PLA2G4A: variants seen among roughly 807,000 people sequenced by gnomAD.
PLA2G4A encodes phospholipase A2 group IVA, also known as cytosolic phospholipase A2.
Under a neutral mutation model 81.9 loss-of-function variants are expected in PLA2G4A, and 40 were observed. That is an observed-to-expected ratio of 0.49 (90% confidence interval 0.38 to 0.64). The LOEUF is 0.64. Among genes scored for constraint, PLA2G4A ranks in the 30% least tolerant of loss-of-function variants. The pLI, the probability that PLA2G4A is intolerant of heterozygous loss-of-function variation, is 0.00. For synonymous variants in PLA2G4A, 302 were observed against 296.9 expected (o/e 1.02, Z -0.18); for missense variants, 715 against 905.1 (o/e 0.79, Z 2.69).
chr1:186,959,900 C>CA (rs1369163774), intron 14 of PLA2G4A, among the ~76,000 whole-genome samples: 7 of 140,874 alleles, frequency 5.0e-5, no homozygotes, highest in South Asian at 5.1e-4. Context: ...ACCCCCATGC[C>CA]AAAAAAAAGA....
At chr1:186,907,659 A>G (rs957307991) in intron 6 of PLA2G4A, among the ~76,000 whole-genome samples, 1 of 152,242 alleles carries the variant, frequency 6.6e-6, no homozygotes, top group Non-Finnish European at 1.5e-5. Context: ...GACCAAAGTT[A>G]TTAGTACATA....
At chr1:186,930,107 A>G (rs1655687852) in intron 7 of PLA2G4A, among the ~76,000 whole-genome samples, 1 of 152,140 alleles carries the variant, frequency 6.6e-6, no homozygotes, top group South Asian at 2.1e-4. Context: ...AAACAAAACA[A>G]ACAAACAAAC....
At chr1:186,912,321 C>G (rs2102157167) in intron 7 of PLA2G4A, among the ~76,000 whole-genome samples, 1 of 152,230 alleles carries the variant, frequency 6.6e-6, no homozygotes, top group Middle Eastern at 3.4e-3. Context: ...CATTATCATC[C>G]AAGTCCATAG....
At chr1:186,965,090 A>T (rs1657085859) in intron 14 of PLA2G4A, among the ~76,000 whole-genome samples, 1 of 152,260 alleles carries the variant, frequency 6.6e-6, no homozygotes, top group Non-Finnish European at 1.5e-5. Flanking sequence ...GTAATGTAAG[A>T]TAATACTATT....
intron 13 of PLA2G4A, among the ~76,000 whole-genome samples, chr1:186,955,747 T>TTTTC (rs1656724387): frequency 1.4e-5 from 2 of 147,696 alleles, no homozygotes; most frequent in East Asian, 3.9e-4. Context: ...TTTTTTTTTT[T>TTTTC]TTTTTAAGAC....
chr1:186,959,500 T>G (rs929021323), intron 14 of PLA2G4A, among the ~76,000 whole-genome samples: 1 of 152,220 alleles, frequency 6.6e-6, no homozygotes, highest in Non-Finnish European at 1.5e-5. Context: ...ACTTTATTCA[T>G]TTTTATGTAT....
At chr1:186,981,880 A>G (rs767497953) in intron 17 of PLA2G4A, among the ~76,000 whole-genome samples, 1 of 47,354 alleles carries the variant, frequency 2.1e-5, no homozygotes, top group Non-Finnish European at 3.8e-5. Flanking sequence ...ACCAAATAGA[A>G]AGACAGCAAG....
chr1:186,865,920 G>T (rs1250031997), intron 2 of PLA2G4A, among the ~76,000 whole-genome samples: 3 of 152,120 alleles, frequency 2.0e-5, no homozygotes, highest in Admixed American at 1.3e-4. Flanking sequence ...CTATAGAAAT[G>T]ATTTTAAATG....
intron 7 of PLA2G4A, among the ~76,000 whole-genome samples, chr1:186,925,423 A>C (rs928276194): frequency 1.3e-5 from 2 of 152,284 alleles, no homozygotes; most frequent in Admixed American, 1.3e-4. Context: ...CACTGCTCTT[A>C]GACTCTTCTC....
At chr1:186,923,923 A>G (rs895088685) in intron 7 of PLA2G4A, among the ~76,000 whole-genome samples, 1 of 152,244 alleles carries the variant, frequency 6.6e-6, no homozygotes, top group Non-Finnish European at 1.5e-5. Flanking sequence ...ATAGAGAAAT[A>G]AAAAGTTAGG....
intron 6 of PLA2G4A, among the ~76,000 whole-genome samples, chr1:186,909,660 CAAAAA>C (rs377504921): frequency 8.9e-6 from 1 of 112,990 alleles, no homozygotes. Flanking sequence ...AACTCCGTCT[CAAAAA>C]AAAAAAAAAA....
chr1:186,923,588 A>T (rs1655440344), intron 7 of PLA2G4A, among the ~76,000 whole-genome samples: 1 of 152,244 alleles, frequency 6.6e-6, no homozygotes, highest in African/African-American at 2.4e-5. Context: ...ATGATGTGTT[A>T]AGTTCTTAAT....
At chr1:186,846,486 G>A (rs1392098443) in intron 1 of PLA2G4A, among the ~76,000 whole-genome samples, 1 of 152,004 alleles carries the variant, frequency 6.6e-6, no homozygotes, top group South Asian at 2.1e-4. Context: ...AAATATTACA[G>A]GGCTCTCATG....
At chr1:186,883,214 T>C (rs1653802176) in intron 3 of PLA2G4A, among the ~76,000 whole-genome samples, 2 of 152,040 alleles carry the variant, frequency 1.3e-5, no homozygotes, top group Admixed American at 1.3e-4. Flanking sequence ...AAAGGAGTGT[T>C]AAAGAAAATC....
intron 5 of PLA2G4A, among the ~76,000 whole-genome samples, chr1:186,900,338 A>G (rs1654492532): frequency 6.6e-6 from 1 of 152,240 alleles, no homozygotes; most frequent in Non-Finnish European, 1.5e-5. Flanking sequence ...CGTAAAACAT[A>G]TTAAGATACT....
chr1:186,981,259 T>C (rs1340151306), intron 17 of PLA2G4A, among the ~76,000 whole-genome samples: 3 of 152,204 alleles, frequency 2.0e-5, no homozygotes, highest in South Asian at 2.1e-4. Flanking sequence ...ACAAATACCA[T>C]GTTGGACTTG....
intron 14 of PLA2G4A, among the ~76,000 whole-genome samples, chr1:186,964,022 T>C (rs541976655): frequency 5.9e-5 from 9 of 152,352 alleles, no homozygotes; most frequent in African/African-American, 2.2e-4. Context: ...GTATTATTCT[T>C]ACTTAGAAAT....
intron 3 of PLA2G4A, among the ~76,000 whole-genome samples, chr1:186,888,424 C>A (rs1654016201): frequency 6.6e-6 from 1 of 152,112 alleles, no homozygotes; most frequent in African/African-American, 2.4e-5. Flanking sequence ...GCAGCTTGCT[C>A]CTTCTTGTTT....
At chr1:186,928,847 T>C (rs1244129873) in intron 7 of PLA2G4A, among the ~76,000 whole-genome samples, 1 of 152,168 alleles carries the variant, frequency 6.6e-6, no homozygotes, top group Non-Finnish European at 1.5e-5. Context: ...ATATGAAGTA[T>C]GAGAAATATT....
Sources: allele counts gnomAD v4.1 joint callset (sites outside exome capture counted in the v4.1 genomes callset), GRCh38; gene constraint gnomAD v4.1.1; transcripts MANE v1.5; gene names NCBI Gene and HGNC (gene_info 2026-07-23, HGNC 2026-07-21).